The following RAVER2 variants were observed in gnomAD, a reference collection of about 807,000 sequenced individuals.
The protein encoded by RAVER2 is ribonucleoprotein PTB-binding 2.
RAVER2 carries 46 observed loss-of-function variants against 78.1 expected under a neutral mutation model. The ratio of observed to expected loss-of-function variants is 0.59; its 90% CI spans 0.46 to 0.75. The LOEUF is 0.75. Ranked by LOEUF, RAVER2 falls within the 30% of genes least tolerant of loss-of-function variation. The probability of loss-of-function intolerance (pLI) is 0.00; values close to 1 mark genes in which losing one functional copy is unlikely to be tolerated. For missense variants in RAVER2, 793 were observed against 837.5 expected (o/e 0.95, Z 0.66); for synonymous variants, 311 against 313.3 (o/e 0.99, Z 0.08).
chr1:64,814,657 A>G (rs1653710153), intron 10 of RAVER2, 47 bp from the exon 11 acceptor site: 1 of 1,080,562 alleles, frequency 9.3e-7, no homozygotes, highest in Non-Finnish European at 1.2e-6. Context: ...AAATAAATTT[A>G]TAATAAAATA....
intron 5 of RAVER2, among the ~76,000 whole-genome samples, chr1:64,792,059 A>G (rs1266418210): frequency 1.3e-5 from 2 of 152,246 alleles, no homozygotes; most frequent in Non-Finnish European, 2.9e-5. Context: ...TTGACAATCC[A>G]TATATTTAGA....
At chr1:64,814,078 C>CA (rs1479443997) in intron 10 of RAVER2, among the ~76,000 whole-genome samples, 1 of 151,702 alleles carries the variant, frequency 6.6e-6, no homozygotes, top group Non-Finnish European at 1.5e-5. Flanking sequence ...CATGTGCCAC[C>CA]ATGCCCAGCT....
rs117523541 is a variant in RAVER2 at position 64,771,532 on chromosome 1, T to C, written c.316+2810T>C. Reference sequence around the variant, plus strand: ...GTGGGTAAAGACTTTTTTCTTAATATTGAAATCTTTTAAAAGTATAATTGA... The same window carrying C: ...GTGGGTAAAGACTTTTTTCTTAATACTGAAATCTTTTAAAAGTATAATTGA... On this transcript the variant is annotated intron_variant, in intron 2 of 11. Transcript: ENST00000294428. Among the ~76,000 whole-genome samples the C allele has an allele frequency of 2.3e-3, 350 of 152,162 alleles. 13 individuals are homozygous for C. The East Asian group carries it at 0.056, about 24-fold the overall frequency.
At chr1:64,788,681 G>C (rs769144812) in intron 4 of RAVER2, among the ~76,000 whole-genome samples, 1 of 148,400 alleles carries the variant, frequency 6.7e-6, no homozygotes, top group South Asian at 2.1e-4. Context: ...AGTCCCAGCT[G>C]CTCGGGTGGC....
chr1:64,828,797 A>C (rs60879425), intron 11 of RAVER2, among the ~76,000 whole-genome samples: 10,068 of 152,220 alleles, frequency 0.066, 503 homozygotes, highest in East Asian at 0.2. Flanking sequence ...CAAAAGTAAA[A>C]TCTGATAATT....
intron 5 of RAVER2, among the ~76,000 whole-genome samples, chr1:64,797,186 A>C (rs2100863019): frequency 6.6e-6 from 1 of 152,336 alleles, no homozygotes; most frequent in South Asian, 2.1e-4. Context: ...TTCCGCTCTT[A>C]CTGGATGTGG....
intron 11 of RAVER2, among the ~76,000 whole-genome samples, chr1:64,823,802 A>ATTTTTTT (rs759134955): frequency 8.1e-6 from 1 of 122,846 alleles, no homozygotes. Flanking sequence ...GTAAGTTGTG[A>ATTTTTTT]TTTTTTTTTT....
At chr1:64,777,585 A>G in intron 2 of RAVER2, 38 bp from the exon 3 acceptor site, 1 of 1,503,416 alleles carries the variant, frequency 6.7e-7, no homozygotes, top group Non-Finnish European at 9.1e-7. Flanking sequence ...GTTTTCAAAC[A>G]ATTTGAAAAC....
At chr1:64,768,766 C>T in intron 2 of RAVER2, 44 bp downstream of exon 2, 1 of 1,225,138 alleles carries the variant, frequency 8.2e-7, no homozygotes, top group South Asian at 1.3e-5. Flanking sequence ...TTGATTCTCC[C>T]TGTACTCGTT....
intron 1 of RAVER2, among the ~76,000 whole-genome samples, chr1:64,765,203 C>T (rs1484626641): frequency 2.0e-5 from 3 of 152,184 alleles, no homozygotes; most frequent in Admixed American, 2.0e-4. Flanking sequence ...GTTGGCACTT[C>T]CTCATAAAGT....
intron 1 of RAVER2, among the ~76,000 whole-genome samples, chr1:64,749,128 T>C (rs948828979): frequency 2.6e-5 from 4 of 151,870 alleles, no homozygotes; most frequent in African/African-American, 9.7e-5. Flanking sequence ...TGTGAGCCAC[T>C]GCACCCAGCC....
At chr1:64,821,013 A>C (rs929190018) in intron 11 of RAVER2, among the ~76,000 whole-genome samples, 3 of 151,872 alleles carry the variant, frequency 2.0e-5, no homozygotes, top group Admixed American at 2.0e-4. Flanking sequence ...ACTAATTTAC[A>C]CTCCCACCAA....
At chr1:64,832,402 C>CAT (rs1299727231) in exon 12 of RAVER2, 1 of 152,550 alleles carries the variant, frequency 6.6e-6, no homozygotes, top group Non-Finnish European at 1.5e-5. Context: ...TTGACATCAC[C>CAT]ATTTCTTGAA....
intron 11 of RAVER2, among the ~76,000 whole-genome samples, chr1:64,817,890 TTAAAG>T (rs1460407652): frequency 6.6e-6 from 1 of 152,072 alleles, no homozygotes; most frequent in Non-Finnish European, 1.5e-5. Flanking sequence ...ACCCTAGAAC[TTAAAG>T]TATAATAAAA....
rs774424933 is a variant in RAVER2 at position 64,812,806 on chromosome 1, A to G, written c.1749A>G (p.Pro583=). Residue 583 remains proline, a synonymous_variant, in exon 10 of 12, where the codon CCA becomes CCG. Transcript: ENST00000294428. ...AAGAAATTCGGCTCAGTAAAAATCC[A>G]TACTTGAATTTGGCAAGTGTGTTGC... The G allele has an allele frequency of 3.7e-6, 6 of 1,612,360 alleles. No individual in the cohort carries two copies. The Admixed American group carries it at 5.0e-5, about 13-fold the overall frequency.
chr1:64,758,503 A>T (rs1360160301), intron 1 of RAVER2, among the ~76,000 whole-genome samples: 5 of 152,172 alleles, frequency 3.3e-5, no homozygotes, highest in Non-Finnish European at 7.3e-5. Context: ...GAAAGACGTG[A>T]TTCGCTGTTT....
At chr1:64,799,126 A>C (rs897866527) in intron 5 of RAVER2, among the ~76,000 whole-genome samples, 8 of 152,174 alleles carry the variant, frequency 5.3e-5, no homozygotes, top group Admixed American at 3.3e-4. Context: ...CCATGATTGT[A>C]CCTTCAACTT....
At chr1:64,794,137 G>A (rs750022158) in intron 5 of RAVER2, among the ~76,000 whole-genome samples, 6 of 151,348 alleles carry the variant, frequency 4.0e-5, no homozygotes, top group African/African-American at 1.2e-4. Flanking sequence ...TGGGCCAGGC[G>A]CAGTGGCTCA....
intron 2 of RAVER2, 33 bp from the exon 3 acceptor site, chr1:64,777,590 G>A: frequency 6.5e-7 from 1 of 1,527,978 alleles, no homozygotes; most frequent in South Asian, 1.2e-5. Context: ...CAAACAATTT[G>A]AAAACTCTTT....
Sources: gnomAD v4.1 joint callset for allele counts (sites outside exome capture counted in the v4.1 genomes callset) on GRCh38, gnomAD v4.1.1 for gene constraint, MANE v1.5 for transcripts, NCBI Gene and HGNC (gene_info 2026-07-23, HGNC 2026-07-21) for gene names.